Variants in ATRNL1 observed in about 807,000 individuals in gnomAD.
ATRNL1 encodes attractin like 1.
Under a neutral mutation model 182.7 loss-of-function variants are expected in ATRNL1, and 95 were observed. That is an observed-to-expected ratio of 0.52 (90% CI 0.44 to 0.62). The LOEUF (loss-of-function observed/expected upper bound fraction) is 0.62. ATRNL1 is among the 20% of genes least tolerant of loss of function. ATRNL1 has a pLI of 0.00. For synonymous variants in ATRNL1, 576 were observed against 568.3 expected, an observed-to-expected ratio of 1.01 and a Z score of -0.19; for missense variants, 1,471 against 1,679.5, an observed-to-expected ratio of 0.88 and a Z score of 2.17.
intron 21 of ATRNL1, among the ~76,000 whole-genome samples, chr10:115,448,707 A>C (rs962267385): frequency 9.9e-5 from 15 of 151,320 alleles, no homozygotes; most frequent in South Asian, 4.2e-4. Context: ...GACGCACACA[A>C]AAAAAAAACA....
At chr10:115,326,407 C>T (rs938717133) in intron 18 of ATRNL1, among the ~76,000 whole-genome samples, 4 of 152,030 alleles carry the variant, frequency 2.6e-5, no homozygotes, top group Non-Finnish European at 5.9e-5. Context: ...AGGAGAACTA[C>T]AAACCACTGC....
chr10:115,401,936 A>G (rs192267623), intron 20 of ATRNL1, among the ~76,000 whole-genome samples: 1 of 152,300 alleles, frequency 6.6e-6, no homozygotes, highest in East Asian at 1.9e-4. Context: ...CTATATTATG[A>G]AATTCAGTAG....
At chr10:115,101,596 G>T (rs1360258665) in intron 1 of ATRNL1, among the ~76,000 whole-genome samples, 3 of 152,012 alleles carry the variant, frequency 2.0e-5, no homozygotes, top group African/African-American at 4.8e-5. Context: ...GGTTGGATTT[G>T]GTTTGTTAAA....
At chr10:115,592,391 T>G (rs2804204) in intron 26 of ATRNL1, among the ~76,000 whole-genome samples, 72,400 of 151,998 alleles carry the variant, frequency 0.48, 18,712 homozygotes, top group East Asian at 0.84. Flanking sequence ...ATACATTTTA[T>G]CCATTTAGTG....
chr10:115,399,092 C>T (rs1844428377), intron 20 of ATRNL1, among the ~76,000 whole-genome samples: 1 of 152,086 alleles, frequency 6.6e-6, no homozygotes. Context: ...TGATATGCTG[C>T]TGAATTGTTT....
At chr10:115,743,238 TAAA>T (rs67671102) in intron 27 of ATRNL1, among the ~76,000 whole-genome samples, 1 of 115,962 alleles carries the variant, frequency 8.6e-6, no homozygotes, top group East Asian at 2.7e-4. Context: ...TCTCTTATAG[TAAA>T]AAAAAAAAAA....
chr10:115,407,176 A>T (rs1554958458), intron 20 of ATRNL1, among the ~76,000 whole-genome samples: 1 of 152,190 alleles, frequency 6.6e-6, no homozygotes, highest in Admixed American at 6.5e-5. Context: ...CAGTACATGC[A>T]GTGCATAATG....
At chr10:115,426,216 G>C in intron 20 of ATRNL1, 34 bp from the exon 21 acceptor site, 1 of 1,591,152 alleles carries the variant, frequency 6.3e-7, no homozygotes, top group Admixed American at 1.7e-5. Context: ...GAATTGCATT[G>C]TTTAATAGTA....
intron 28 of ATRNL1, among the ~76,000 whole-genome samples, chr10:115,880,078 A>G (rs1951792622): frequency 6.6e-6 from 1 of 152,246 alleles, no homozygotes; most frequent in African/African-American, 2.4e-5. Context: ...ATATTGCTGG[A>G]CTAGGAACTG....
chr10:115,813,886 T>G (rs1950105237), intron 27 of ATRNL1, among the ~76,000 whole-genome samples: 1 of 152,184 alleles, frequency 6.6e-6, no homozygotes, highest in Non-Finnish European at 1.5e-5. Flanking sequence ...TGTTCAGACA[T>G]TCATAGATCA....
chr10:115,680,997 T>C (rs1252646190), intron 26 of ATRNL1, among the ~76,000 whole-genome samples: 2 of 152,160 alleles, frequency 1.3e-5, no homozygotes, highest in African/African-American at 4.8e-5. Flanking sequence ...AGTGTATCCA[T>C]ATTTGAAGTC....
At chr10:115,509,661 G>A (rs1554982168) in intron 24 of ATRNL1, among the ~76,000 whole-genome samples, 1 of 151,944 alleles carries the variant, frequency 6.6e-6, no homozygotes, top group Admixed American at 6.6e-5. Flanking sequence ...GGGTCTATGA[G>A]CCAATTAAGC....
chr10:115,326,859 T>G (rs1473749194), intron 18 of ATRNL1, among the ~76,000 whole-genome samples: 11 of 151,926 alleles, frequency 7.2e-5, no homozygotes, highest in Middle Eastern at 6.8e-3. Context: ...AATAAATGGT[T>G]CTGGGAAAAC....
chr10:115,262,176 T>A (rs797042759), intron 10 of ATRNL1, among the ~76,000 whole-genome samples: 1 of 143,360 alleles, frequency 7.0e-6, no homozygotes. Context: ...GGCAGTGGAT[T>A]TTTTTTTTTT....
rs1179175941 is a variant in ATRNL1 at position 115,551,911 on chromosome 10, C to CAG, written c.3795+2387_3795+2388dup. ...AAATGGTGGGGGAGGTGGGAAGTGA[C>CAG]AGAGAGAGAGAGACCACATTCACAT... On this transcript the variant is annotated intron_variant, in intron 26 of 28. Transcript: ENST00000355044. 6.6e-4 allele frequency among the ~76,000 whole-genome samples: 99 copies of CAG among 151,008 alleles called. 1 individual carries two copies. The highest frequency in any genetic ancestry group is 2.2e-3 in the African/African-American group (90 of 41,414).
chr10:115,355,573 C>T (rs1484775969), intron 19 of ATRNL1, among the ~76,000 whole-genome samples: 2 of 151,664 alleles, frequency 1.3e-5, no homozygotes, highest in Non-Finnish European at 2.9e-5. Flanking sequence ...TTTGTTTATC[C>T]AATTATTTGT....
Position 115,381,432 on chromosome 10 carries a change from A to ATTTTTTTTTT in ATRNL1, c.3176-13219_3176-13210dup, listed in dbSNP as rs375127246. Among the ~76,000 whole-genome samples, 257 of 68,532 alleles carry ATTTTTTTTTT rather than the reference A, an allele frequency of 3.8e-3. 47 individuals carry two copies. The highest frequency in any genetic ancestry group is 3.5e-3 in the African/African-American group (59 of 16,704). 45.0% of individuals were successfully genotyped at this position (68,532 alleles called of 152,430 possible). Reference sequence around the variant, plus strand: ...CAGGCACATGCCACCATACCTGGCAATTTTTTTTTTTTTTTTTAGTAGACA... The same window carrying ATTTTTTTTTT: ...CAGGCACATGCCACCATACCTGGCAATTTTTTTTTTTTTTTTTTTTTTTTTTTAGTAGACA... On this transcript the variant is annotated intron_variant, in intron 19 of 28. Coordinates refer to ENST00000355044, the MANE Select transcript of ATRNL1 (RefSeq NM_207303.4).
intron 26 of ATRNL1, among the ~76,000 whole-genome samples, chr10:115,689,994 G>A (rs568551039): frequency 1.4e-4 from 22 of 152,264 alleles, no homozygotes; most frequent in Non-Finnish European, 2.9e-4. Context: ...CTGTACATAT[G>A]AGGCCTAGCA....
chr10:115,835,186 C>G (rs1242212629), intron 27 of ATRNL1, among the ~76,000 whole-genome samples: 1 of 151,996 alleles, frequency 6.6e-6, no homozygotes, highest in Non-Finnish European at 1.5e-5. Context: ...CCTTACAGAA[C>G]CTTGGTGAGA....
Sources: gnomAD v4.1 joint callset for allele counts (sites outside exome capture counted in the v4.1 genomes callset) on GRCh38, gnomAD v4.1.1 for gene constraint, MANE v1.5 for transcripts, NCBI Gene and HGNC (gene_info 2026-07-23, HGNC 2026-07-21) for gene names.